The following CLVS1 variants were observed in gnomAD, a reference collection of about 807,000 sequenced individuals.
CLVS1 encodes clavesin-1.
A neutral mutation model predicts 33.1 loss-of-function variants in CLVS1; 10 were observed. That is an observed-to-expected ratio of 0.30 (90% CI 0.19 to 0.51). The LOEUF is 0.51. CLVS1 is among the 20% of genes least tolerant of loss of function. The pLI is 0.97. For missense variants in CLVS1, 343 were observed against 433.4 expected (o/e 0.79, Z 1.85); for synonymous variants, 163 against 166.1 (o/e 0.98, Z 0.14).
At chr8:61,426,748 T>C (rs1461236358) in intron 3 of CLVS1, among the ~76,000 whole-genome samples, 10 of 152,196 alleles carry the variant, frequency 6.6e-5, no homozygotes, top group Admixed American at 6.5e-4. Context: ...GCTTATCCTG[T>C]ATCTTCATTT....
intron 1 of CLVS1, among the ~76,000 whole-genome samples, chr8:61,069,941 C>T (rs1460283412): frequency 2.6e-5 from 4 of 152,076 alleles, no homozygotes; most frequent in Admixed American, 2.0e-4. Context: ...TGCAGGCATG[C>T]ACCACCATGC....
chr8:61,242,932 C>T (rs1201777848), intron 2 of CLVS1, among the ~76,000 whole-genome samples: 2 of 150,064 alleles, frequency 1.3e-5, no homozygotes, highest in African/African-American at 2.4e-5. Context: ...AATCCTTAGA[C>T]TGATAACACT....
intron 3 of CLVS1, among the ~76,000 whole-genome samples, chr8:61,381,478 C>T (rs77585684): frequency 3.2e-4 from 49 of 152,166 alleles, no homozygotes; most frequent in African/African-American, 1.1e-3. Flanking sequence ...ATGTGCAGTT[C>T]TGTTACGTGG....
chr8:61,023,203 A>G, the CLVS1 span, among the ~76,000 whole-genome samples: 1 of 152,258 alleles, frequency 6.6e-6, no homozygotes. Flanking sequence ...CTGTGCTTAT[A>G]TTAACAAATT....
chr8:61,341,109 A>ATACCTT (rs1812015210), intron 2 of CLVS1, among the ~76,000 whole-genome samples: 1 of 152,236 alleles, frequency 6.6e-6, no homozygotes, highest in Non-Finnish European at 1.5e-5. Flanking sequence ...TGCACTGAAA[A>ATACCTT]GAATAAATTA....
intron 2 of CLVS1, among the ~76,000 whole-genome samples, chr8:61,205,083 C>G (rs938110560): frequency 6.6e-6 from 1 of 151,978 alleles, no homozygotes; most frequent in Non-Finnish European, 1.5e-5. Flanking sequence ...ATTCATAAAC[C>G]TAATTATGAG....
At chr8:61,235,118 G>C (rs955052733) in intron 2 of CLVS1, among the ~76,000 whole-genome samples, 1 of 152,164 alleles carries the variant, frequency 6.6e-6, no homozygotes, top group Non-Finnish European at 1.5e-5. Flanking sequence ...AGAATTTGTG[G>C]AGAGAGCATC....
intron 2 of CLVS1, among the ~76,000 whole-genome samples, chr8:61,147,094 T>C (rs1806436278): frequency 6.6e-6 from 1 of 152,282 alleles, no homozygotes. Context: ...CTACTGGGGG[T>C]GTCCCCTTTA....
intron 2 of CLVS1, among the ~76,000 whole-genome samples, chr8:61,200,566 T>C (rs1390916308): frequency 6.6e-6 from 1 of 152,258 alleles, no homozygotes; most frequent in Non-Finnish European, 1.5e-5. Context: ...TCCATGGACA[T>C]ACATCTTTGA....
intron 2 of CLVS1, among the ~76,000 whole-genome samples, chr8:61,368,701 T>C (rs1262089829): frequency 6.6e-6 from 1 of 152,188 alleles, no homozygotes; most frequent in African/African-American, 2.4e-5. Context: ...GATGAAATAA[T>C]GTAGCTGGCT....
chr8:61,069,676 T>G (rs951244482), intron 1 of CLVS1, among the ~76,000 whole-genome samples: 1 of 152,230 alleles, frequency 6.6e-6, no homozygotes, highest in Non-Finnish European at 1.5e-5. Context: ...TCATTACCAC[T>G]GTCAACATCT....
intron 1 of CLVS1, among the ~76,000 whole-genome samples, chr8:61,077,234 C>G (rs1417545486): frequency 4.6e-5 from 7 of 150,976 alleles, no homozygotes; most frequent in Non-Finnish European, 1.0e-4. Flanking sequence ...CCACCACACC[C>G]GCTAATTTTT....
the CLVS1 span, among the ~76,000 whole-genome samples, chr8:61,001,343 A>T: frequency 6.6e-6 from 1 of 152,122 alleles, no homozygotes; most frequent in Non-Finnish European, 1.5e-5. Context: ...TCAAAACACA[A>T]TCCACATCAG....
At chr8:61,267,923 T>C (rs3915643) in intron 2 of CLVS1, among the ~76,000 whole-genome samples, 104,565 of 152,164 alleles carry the variant, frequency 0.69, 38,361 homozygotes, top group East Asian at 0.97. Flanking sequence ...TGAAAAAGGC[T>C]ATTAATTAAC....
At chr8:61,122,539 C>T (rs1010885993) in intron 1 of CLVS1, among the ~76,000 whole-genome samples, 8 of 145,990 alleles carry the variant, frequency 5.5e-5, no homozygotes, top group Non-Finnish European at 1.2e-4. Context: ...TGTCCTACAA[C>T]GTGTGAATGA....
chr8:61,158,093 C>T (rs1806683696), intron 2 of CLVS1, among the ~76,000 whole-genome samples: 1 of 152,162 alleles, frequency 6.6e-6, no homozygotes. Flanking sequence ...AATGGATAAA[C>T]TATCATCTAT....
intron 5 of CLVS1, among the ~76,000 whole-genome samples, chr8:61,490,930 C>T (rs1277421325): frequency 6.7e-6 from 1 of 149,406 alleles, no homozygotes; most frequent in Non-Finnish European, 1.5e-5. Flanking sequence ...CACTGCACTC[C>T]AGCCTGGGCA....
At chr8:61,376,973 A>C in intron 3 of CLVS1, 194 bp downstream of exon 3, 1 of 513,332 alleles carries the variant, frequency 1.9e-6, no homozygotes, top group Non-Finnish European at 3.4e-6. Flanking sequence ...TTCATTAATA[A>C]CTCCAAATTA....
intron 2 of CLVS1, among the ~76,000 whole-genome samples, chr8:61,218,647 C>A (rs2978538): frequency 0.59 from 84,123 of 142,492 alleles, 25,438 homozygotes; most frequent in East Asian, 0.84. Flanking sequence ...AAAAAAAAAA[C>A]AACAAGGCCA....
Sources: gnomAD v4.1 joint callset for allele counts (sites outside exome capture counted in the v4.1 genomes callset) on GRCh38, gnomAD v4.1.1 for gene constraint, MANE v1.5 for transcripts, NCBI Gene and HGNC (gene_info 2026-07-23, HGNC 2026-07-21) for gene names.